Variants in IFNA8 observed in about 807,000 individuals in gnomAD.
IFNA8 encodes the protein interferon alpha 8.
For synonymous variants in IFNA8, 91 were observed against 84.4 expected, an observed-to-expected ratio of 1.08 and a Z score of -0.43; for missense variants, 246 against 212.3, an observed-to-expected ratio of 1.16 and a Z score of -0.99.
In IFNA8 at chr9:21,409,501, T is replaced by A; in HGVS notation, c.325T>A (p.Tyr109Asn). 1 of 1,614,094 alleles carries A rather than the reference T, an allele frequency of 6.2e-7. No homozygotes were observed. Residue 109 changes from tyrosine to asparagine, a missense_variant, in exon 1 of 1, where the codon TAC becomes AAC. Transcript: ENST00000380205. The part of the protein sequence containing the change: ...ALDETLLDEF[Y>N]IELDQQLNDL... ...GGATGAGACCCTTCTAGATGAATTC[T>A]ACATCGAACTTGACCAGCAGCTGAA...
rs765272000 is a variant in IFNA8, at chr9:21,409,386, G to A, written c.210G>A (p.Gln70=). The A allele has an allele frequency of 6.2e-7, 1 of 1,613,950 alleles. No individual in the cohort carries two copies. Among genetic ancestry groups the A allele is most frequent in the African/African-American group, 1.3e-5 (1 of 74,900 alleles). Residue 70 remains glutamine, a synonymous_variant, in exon 1 of 1, where the codon CAG becomes CAA. Coordinates refer to ENST00000380205, the MANE Select transcript of IFNA8 (RefSeq NM_002170.4). ...CCCAGGAGGAGTTTGATGATAAACA[G>A]TTCCAGAAGGCTCAAGCCATCTCTG... ...EFPQEEFDDK[Q]FQKAQAISVL...
chr9:21,409,907 G>C lies in IFNA8; in HGVS notation c.*161G>C, dbSNP rs1818022810. ...GGAGTGTTAAGCAACATCCTGTTCA[G>C]CTGTATGGGCACTAGTCCCTTACAG... On this transcript the variant is annotated 3_prime_UTR_variant, in exon 1 of 1. Coordinates refer to ENST00000380205, the MANE Select transcript of IFNA8 (RefSeq NM_002170.4). 3.3e-6 allele frequency: 2 copies of C among 609,946 alleles called. No individual in the cohort carries two copies. Among genetic ancestry groups the C allele is most frequent in the Admixed American group, 3.0e-5 (1 of 33,202 alleles). 37.8% of individuals were successfully genotyped at this position (609,946 alleles called of 1,614,324 possible).
Position 21,409,886 on chromosome 9 carries a change from T to G in IFNA8, c.*140T>G, listed in dbSNP as rs1376067938. 3.9e-6 allele frequency: 3 copies of G among 759,938 alleles called. No individual in the cohort carries two copies. The highest frequency in any genetic ancestry group is 3.5e-5 in the African/African-American group (2 of 56,462). The allele number at this position is 759,938 out of a possible 1,614,324, so 47.1% of individuals were successfully genotyped here. A position where few individuals can be genotyped will look rare whatever the true frequency, so the allele number is the denominator to read the frequency against. ...CAAATGTGTCAAGTGTTTTCAGGAG[T>G]GTTAAGCAACATCCTGTTCAGCTGT... is the stretch of plus-strand genomic sequence containing the variant. On this transcript the variant is annotated 3_prime_UTR_variant, in exon 1 of 1. Transcript: ENST00000380205.
chr9:21,409,656 C>T lies in IFNA8; in HGVS notation c.480C>T (p.Ser160=). The change falls in exon 1 of 1, where the codon AGC becomes AGT. Residue 160 remains serine (S), a synonymous_variant. Transcript: ENST00000380205. ...TATATCTGACAGAGAAGAAATACAG[C>T]TCTTGTGCCTGGGAGGTTGTCAGAG... ...ITLYLTEKKY[S]SCAWEVVRAE... is the part of the protein sequence containing the mutation. 6.2e-7 allele frequency: 1 copy of T among 1,613,938 alleles called. No individual in the cohort carries two copies. Among genetic ancestry groups the T allele is most frequent in the East Asian group, 2.2e-5 (1 of 44,874 alleles).
At position 21,409,948 on chromosome 9, in the gene IFNA8, G is replaced by A. The variant is rs1818023188; in HGVS notation, c.*202G>A. On this transcript the variant is annotated 3_prime_UTR_variant, in exon 1 of 1. Transcript: ENST00000380205. Reference sequence around the variant, plus strand: ...TCCCTTACAGATGACCATGCTGATGGATCTATTCATCTATTTATTTAAATC... The same window carrying A: ...TCCCTTACAGATGACCATGCTGATGAATCTATTCATCTATTTATTTAAATC... 3 of 485,214 alleles carry A rather than the reference G, an allele frequency of 6.2e-6. No homozygotes were observed. Among genetic ancestry groups the A allele is most frequent in the African/African-American group, 3.9e-5 (2 of 51,112 alleles). 30.1% of individuals were successfully genotyped at this position (485,214 alleles called of 1,614,324 possible). A position where few individuals can be genotyped will look rare whatever the true frequency, so the allele number is the denominator to read the frequency against.
chr9:21,409,189 T>G lies in IFNA8; in HGVS notation c.13T>G (p.Phe5Val), dbSNP rs760180445. 1.2e-6 allele frequency: 2 copies of G among 1,613,894 alleles called. No individual in the cohort carries two copies. The highest frequency in any genetic ancestry group is 1.7e-6 in the Non-Finnish European group (2 of 1,179,848). Residue 5 changes from phenylalanine to valine, a missense_variant, in exon 1 of 1, where the codon TTT (phenylalanine) becomes GTT (valine). By Grantham distance (50) the Phe-to-Val change is conservative. Transcript: ENST00000380205. ...CACAACATCTACAATGGCCTTGACTTTTTATTTACTGGTGGCCCTAGTGGT... is the reference window on the plus strand; with the variant it reads ...CACAACATCTACAATGGCCTTGACTGTTTATTTACTGGTGGCCCTAGTGGT... MALT[F>V]YLLVALVVLS...
Position 21,409,847 on chromosome 9 carries a change from G to A in IFNA8, c.*101G>A, listed in dbSNP as rs1213060430. ...AGACCCTTGTTTCTGCCAAAACCAT[G>A]CTATGAATTGAATCAAATGTGTCAA... On this transcript the variant is annotated 3_prime_UTR_variant, in exon 1 of 1. Coordinates refer to ENST00000380205, the MANE Select transcript of IFNA8 (RefSeq NM_002170.4). 5 of 1,073,086 alleles carry A rather than the reference G, an allele frequency of 4.7e-6. No individual in the cohort carries two copies. The African/African-American group carries it at 7.9e-5, about 17-fold the overall frequency. 66.5% of individuals were successfully genotyped at this position (1,073,086 alleles called of 1,614,324 possible).
chr9:21,409,133 G>A lies in IFNA8; in HGVS notation c.-44G>A, dbSNP rs139599683. On this transcript the variant is annotated 5_prime_UTR_variant, in exon 1 of 1. Transcript: ENST00000380205. ...AAAGTCTTCAGAGACCCAGGTTAAG[G>A]GTCATCCATCTGAACCAGCTCAGCA... The A allele has an allele frequency of 1.4e-4, 219 of 1,540,828 alleles. No individual in the cohort carries two copies. The highest frequency in any genetic ancestry group is 5.1e-4 in the Middle Eastern group (3 of 5,898).
chr9:21,409,720 C>G lies in IFNA8; in HGVS notation c.544C>G (p.Gln182Glu). The change falls in exon 1 of 1, where the codon CAA becomes GAA. Residue 182 changes from glutamine to glutamate, a missense_variant. By Grantham distance (29) the Gln-to-Glu change is conservative (BLOSUM62 2). Coordinates refer to ENST00000380205, the MANE Select transcript of IFNA8 (RefSeq NM_002170.4). ...MRSFSLSINL[Q>E]KRLKSKE ...ATCCTTCTCTTTATCAATCAACTTG[C>G]AAAAAAGATTGAAGAGTAAGGAATG... 6.2e-7 allele frequency: 1 copy of G among 1,611,116 alleles called. No individual in the cohort carries two copies. Among genetic ancestry groups the G allele is most frequent in the Non-Finnish European group, 8.5e-7 (1 of 1,178,994 alleles).
chr9:21,409,796 C>A lies in IFNA8; in HGVS notation c.*50C>A, dbSNP rs1426251238. ...TCTTATAGACTAATACAGCAGCTCA[C>A]ACTTCGACAAGTTGTGCTCTTTCAA... is the stretch of plus-strand genomic sequence containing the variant. On this transcript the variant is annotated 3_prime_UTR_variant, in exon 1 of 1. Transcript: ENST00000380205. 7 of 1,500,758 alleles carry A rather than the reference C, an allele frequency of 4.7e-6. No homozygotes were observed. The highest frequency in any genetic ancestry group is 5.5e-6 in the Non-Finnish European group (6 of 1,085,012). The allele number at this position is 1,500,758 out of a possible 1,614,324, so 93.0% of individuals were successfully genotyped here.
the IFNA8 span, chr9:21,409,667 G>A: frequency 1.9e-6 from 3 of 1,613,868 alleles, no homozygotes; most frequent in Non-Finnish European, 2.5e-6. Context: ...TCTTGTGCCT[G>A]GGAGGTTGTC....
At position 21,409,411 on chromosome 9, in the gene IFNA8, G is replaced by A. The variant is rs1286930936; in HGVS notation, c.235G>A (p.Val79Ile). The change falls in exon 1 of 1, where the codon GTC (valine) becomes ATC (isoleucine). Residue 79 changes from valine to isoleucine, a missense_variant. Transcript: ENST00000380205. ...GTTCCAGAAGGCTCAAGCCATCTCT[G>A]TCCTCCATGAGATGATCCAGCAGAC... ...KQFQKAQAIS[V>I]LHEMIQQTFN... 4 of 1,614,102 alleles carry A rather than the reference G, an allele frequency of 2.5e-6. No homozygotes were observed. The highest frequency in any genetic ancestry group is 3.4e-6 in the Non-Finnish European group (4 of 1,179,986).
rs916404060 is a variant in IFNA8, at chr9:21,409,719, G to A, written c.543G>A (p.Leu181=). ...GATCCTTCTCTTTATCAATCAACTT[G>A]CAAAAAAGATTGAAGAGTAAGGAAT... The part of the protein sequence containing the change: ...IMRSFSLSIN[L]QKRLKSKE The change falls in exon 1 of 1, where the codon TTG becomes TTA. Residue 181 remains leucine (L), a synonymous_variant. Coordinates refer to ENST00000380205, the MANE Select transcript of IFNA8 (RefSeq NM_002170.4). 5 of 1,612,328 alleles carry A rather than the reference G, an allele frequency of 3.1e-6. No individual in the cohort carries two copies. The Admixed American group carries it at 8.4e-5, about 27-fold the overall frequency.
Position 21,409,639 on chromosome 9 carries a change from A to T in IFNA8, c.463A>T (p.Thr155Ser). 6.2e-7 allele frequency: 1 copy of T among 1,613,948 alleles called. No individual in the cohort carries two copies. The highest frequency in any genetic ancestry group is 2.2e-5 in the East Asian group (1 of 44,878). The change falls in exon 1 of 1, where the codon ACA becomes TCA. Residue 155 changes from threonine (T) to serine (S), a missense_variant. Thr to Ser is a moderately conservative substitution (Grantham distance 58). Coordinates refer to ENST00000380205, the MANE Select transcript of IFNA8 (RefSeq NM_002170.4). ...CTTCCAAAGAATCACTCTATATCTG[A>T]CAGAGAAGAAATACAGCTCTTGTGC... ...KYFQRITLYLTEKKYSSCAWE... is the reference protein window; with the variant it reads ...KYFQRITLYLSEKKYSSCAWE...
chr9:21,409,592 C>T lies in IFNA8; in HGVS notation c.416C>T (p.Ser139Phe), dbSNP rs765647363. The change falls in exon 1 of 1, where the codon TCC becomes TTC. Residue 139 changes from serine (S) to phenylalanine (F), a missense_variant. By Grantham distance (155) the Ser-to-Phe change is radical. Coordinates refer to ENST00000380205, the MANE Select transcript of IFNA8 (RefSeq NM_002170.4). ...VIESPLMYED[S>F]ILAVRKYFQR... The stretch of plus-strand genomic sequence containing the variant: ...GAGTCTCCCCTGATGTACGAGGACT[C>T]CATCCTGGCTGTGAGGAAATACTTC... 6.8e-6 allele frequency: 11 copies of T among 1,613,982 alleles called. No homozygotes were observed. The highest frequency in any genetic ancestry group is 1.1e-5 in the South Asian group (1 of 91,070).
rs749029896 is a variant in IFNA8, at chr9:21,409,576, C to G, written c.400C>G (p.Leu134Val). The G allele has an allele frequency of 6.2e-7, 1 of 1,614,008 alleles. No individual in the cohort carries two copies. Among genetic ancestry groups the G allele is most frequent in the Non-Finnish European group, 8.5e-7 (1 of 1,179,922 alleles). The change falls in exon 1 of 1, where the codon CTG becomes GTG. Residue 134 changes from leucine (L) to valine (V), a missense_variant. Leu to Val is a conservative substitution (Grantham distance 32). Coordinates refer to ENST00000380205, the MANE Select transcript of IFNA8 (RefSeq NM_002170.4). ...MQEVGVIESP[L>V]MYEDSILAVR... ...GGAAGTGGGGGTGATAGAGTCTCCCCTGATGTACGAGGACTCCATCCTGGC... is the reference window on the plus strand; with the variant it reads ...GGAAGTGGGGGTGATAGAGTCTCCCGTGATGTACGAGGACTCCATCCTGGC...
chr9:21,409,127 G>A lies in IFNA8; in HGVS notation c.-50G>A, dbSNP rs1009664898. On this transcript the variant is annotated 5_prime_UTR_variant, in exon 1 of 1. Coordinates refer to ENST00000380205, the MANE Select transcript of IFNA8 (RefSeq NM_002170.4). ...CAAACCAAAGTCTTCAGAGACCCAG[G>A]TTAAGGGTCATCCATCTGAACCAGC... is the stretch of plus-strand genomic sequence containing the variant. 6.6e-7 allele frequency: 1 copy of A among 1,516,706 alleles called. No individual in the cohort carries two copies. Among genetic ancestry groups the A allele is most frequent in the African/African-American group, 1.4e-5 (1 of 72,402 alleles). 94.0% of individuals were successfully genotyped at this position (1,516,706 alleles called of 1,614,324 possible).
Position 21,409,994 on chromosome 9 carries a change from T to C in IFNA8, c.*248T>C, listed in dbSNP as rs1818023773. ...AAATCTTTATTTAGTTAACTATCTA[T>C]AGGGCTTAAATTAGTTTTGTTCATA... On this transcript the variant is annotated 3_prime_UTR_variant, in exon 1 of 1. Transcript: ENST00000380205. 6.1e-6 allele frequency: 2 copies of C among 327,290 alleles called. No homozygotes were observed. The highest frequency in any genetic ancestry group is 2.2e-5 in the African/African-American group (1 of 46,172). The allele number at this position is 327,290 out of a possible 1,614,324, so 20.3% of individuals were successfully genotyped here.
chr9:21,409,312 A>G lies in IFNA8; in HGVS notation c.136A>G (p.Arg46Gly). 6.2e-7 allele frequency: 1 copy of G among 1,614,106 alleles called. No individual in the cohort carries two copies. Residue 46 changes from arginine (R) to glycine (G), a missense_variant, in exon 1 of 1, where the codon AGA becomes GGA. Arg to Gly is a moderately radical substitution (Grantham distance 125). Coordinates refer to ENST00000380205, the MANE Select transcript of IFNA8 (RefSeq NM_002170.4). ...CTTGATACTCCTGGCACAAATGCGA[A>G]GAATCTCTCCTTTCTCCTGCCTGAA... The part of the protein sequence containing the change: ...RALILLAQMR[R>G]ISPFSCLKDR...
Sources: gnomAD v4.1 joint callset for allele counts on GRCh38, gnomAD v4.1.1 for gene constraint, MANE v1.5 for transcripts, NCBI Gene and HGNC (gene_info 2026-07-23, HGNC 2026-07-21) for gene names.